The following TMIGD3 variants were observed in gnomAD, a reference collection of about 807,000 sequenced individuals.
The protein encoded by TMIGD3 is AD026 protein (AD026).
Under a neutral mutation model 28.1 loss-of-function variants are expected in TMIGD3, and 21 were observed. That is an observed-to-expected ratio of 0.75 (90% CI 0.53 to 1.08). The LOEUF (loss-of-function observed/expected upper bound fraction) is 1.08. TMIGD3 is among the 50% of genes least tolerant of loss of function. TMIGD3 has a pLI of 0.00. For synonymous variants in TMIGD3, 151 were observed against 162.1 expected, an observed-to-expected ratio of 0.93 and a Z score of 0.52; for missense variants, 416 against 435.6, an observed-to-expected ratio of 0.96 and a Z score of 0.40.
chr1:111,507,482 A>G (rs1443475155), upstream of TMIGD3, among the ~76,000 whole-genome samples: 1 of 152,164 alleles, frequency 6.6e-6, no homozygotes. Flanking sequence ...GGTTCCGCTT[A>G]ATAATCTGAG....
At chr1:111,538,450 G>T (rs1656714512) in intron 1 of TMIGD3, among the ~76,000 whole-genome samples, 2 of 152,196 alleles carry the variant, frequency 1.3e-5, no homozygotes, top group South Asian at 4.1e-4. Flanking sequence ...TGAGGAGGAG[G>T]TTCTGGTGAG....
At chr1:111,537,625 G>A (rs1029529800) in intron 1 of TMIGD3, among the ~76,000 whole-genome samples, 20 of 152,272 alleles carry the variant, frequency 1.3e-4, no homozygotes, top group Middle Eastern at 3.4e-3. Flanking sequence ...CAGAGATTTC[G>A]TTTTTAAAGA....
chr1:111,503,878 C>T, upstream of TMIGD3: 1 of 992,932 alleles, frequency 1.0e-6, no homozygotes, highest in Non-Finnish European at 1.2e-6. Context: ...AGAGTTCATT[C>T]ATTCAGGGAC....
At chr1:111,512,383 A>G (rs904929682) in intron 1 of TMIGD3, among the ~76,000 whole-genome samples, 2 of 152,266 alleles carry the variant, frequency 1.3e-5, no homozygotes, top group African/African-American at 4.8e-5. Flanking sequence ...AACGTGCTCC[A>G]GAGGAGAAAT....
chr1:111,553,991 G>A (rs1419654493), intron 1 of TMIGD3, among the ~76,000 whole-genome samples: 1 of 152,236 alleles, frequency 6.6e-6, no homozygotes, highest in Non-Finnish European at 1.5e-5. Flanking sequence ...AGCAAGAAGA[G>A]GAGTGCAGGC....
chr1:111,490,849 T>C, intron 1 of TMIGD3, 87 bp from the exon 2 acceptor site: 2 of 902,618 alleles, frequency 2.2e-6, no homozygotes, highest in South Asian at 1.4e-5. Flanking sequence ...AACCAGTTAG[T>C]CCAAGCAGTG....
At chr1:111,561,276 A>G (rs1657725510) in intron 1 of TMIGD3, among the ~76,000 whole-genome samples, 1 of 152,074 alleles carries the variant, frequency 6.6e-6, no homozygotes, top group Non-Finnish European at 1.5e-5. Context: ...AGTGCACACC[A>G]CCACGCCTGG....
intron 1 of TMIGD3, among the ~76,000 whole-genome samples, chr1:111,541,866 T>G (rs1281230806): frequency 6.6e-6 from 1 of 151,808 alleles, no homozygotes; most frequent in South Asian, 2.1e-4. Flanking sequence ...AAACTGCGAG[T>G]GAATGCAATA....
intron 1 of TMIGD3, chr1:111,499,661 C>T: frequency 2.5e-6 from 3 of 1,191,686 alleles, no homozygotes; most frequent in Non-Finnish European, 3.2e-6. Flanking sequence ...GGCTCCATGA[C>T]TTATTCTTCT....
At chr1:111,486,332 T>A (rs1208261625) in intron 4 of TMIGD3, among the ~76,000 whole-genome samples, 1 of 151,980 alleles carries the variant, frequency 6.6e-6, no homozygotes, top group Non-Finnish European at 1.5e-5. Flanking sequence ...CTCCTTATGA[T>A]AAATGTCCCC....
chr1:111,521,693 G>T (rs1383137970), intron 1 of TMIGD3, among the ~76,000 whole-genome samples: 2 of 151,986 alleles, frequency 1.3e-5, no homozygotes. Flanking sequence ...TATAAGATTT[G>T]CAAATCTTTT....
chr1:111,508,868 G>A (rs1425681684), intron 1 of TMIGD3, among the ~76,000 whole-genome samples: 1 of 152,162 alleles, frequency 6.6e-6, no homozygotes, highest in African/African-American at 2.4e-5. Context: ...AGGCCGAGGC[G>A]GGCGGATCAC....
At chr1:111,500,380 T>C (rs765222610) in intron 1 of TMIGD3, 7 of 1,614,078 alleles carry the variant, frequency 4.3e-6, no homozygotes, top group Non-Finnish European at 5.9e-6. Flanking sequence ...GTATACCATG[T>C]AGTCCATTCT....
chr1:111,527,227 G>A (rs1024813001), intron 1 of TMIGD3, among the ~76,000 whole-genome samples: 11 of 151,970 alleles, frequency 7.2e-5, no homozygotes, highest in Non-Finnish European at 1.0e-4. Flanking sequence ...GGCCAGGCTG[G>A]TCTCGAACTC....
intron 1 of TMIGD3, among the ~76,000 whole-genome samples, chr1:111,529,939 G>A (rs1444919256): frequency 6.8e-6 from 1 of 147,120 alleles, no homozygotes; most frequent in Non-Finnish European, 1.5e-5. Flanking sequence ...CTTCCCAGTA[G>A]GGGCGGCCGG....
chr1:111,503,339 T>C lies in TMIGD3; in HGVS notation c.16A>G (p.Thr6Ala), dbSNP rs1457560490. The change falls in exon 1 of 6, where the codon ACT becomes GCT. Residue 6 changes from threonine to alanine, a missense_variant. By Grantham distance (58) the Thr-to-Ala change is moderately conservative. Coordinates refer to ENST00000369716, the MANE Select transcript of TMIGD3 (RefSeq NM_020683.7). The part of the protein sequence containing the change: MPNNS[T>A]ALSLANVTYI... ...GTAACATTGGCCAATGACAGAGCAGTGCTGTTGTTGGGCATCTTGCCTTCC... is the reference window on the plus strand; with the variant it reads ...GTAACATTGGCCAATGACAGAGCAGCGCTGTTGTTGGGCATCTTGCCTTCC... 1 of 1,610,456 alleles carries C rather than the reference T, an allele frequency of 6.2e-7. No individual in the cohort carries two copies. Among genetic ancestry groups the C allele is most frequent in the African/African-American group, 1.3e-5 (1 of 74,856 alleles).
At chr1:111,549,269 A>C (rs1657156944) in intron 1 of TMIGD3, among the ~76,000 whole-genome samples, 1 of 150,284 alleles carries the variant, frequency 6.7e-6, no homozygotes, top group African/African-American at 2.4e-5. Flanking sequence ...ATTATTTGAA[A>C]ATTTGGCAGA....
intron 1 of TMIGD3, among the ~76,000 whole-genome samples, chr1:111,534,979 C>A (rs1456967360): frequency 1.3e-5 from 2 of 152,174 alleles, no homozygotes; most frequent in African/African-American, 4.8e-5. Flanking sequence ...GTTAGGGGAA[C>A]ACCCAGCTCA....
intron 1 of TMIGD3, among the ~76,000 whole-genome samples, chr1:111,522,793 G>A (rs1327677429): frequency 6.6e-6 from 1 of 152,142 alleles, no homozygotes; most frequent in African/African-American, 2.4e-5. Flanking sequence ...TGGGATTACA[G>A]GCGTGAGCCA....
Sources: gnomAD v4.1 joint callset for allele counts (sites outside exome capture counted in the v4.1 genomes callset) on GRCh38, gnomAD v4.1.1 for gene constraint, MANE v1.5 for transcripts, NCBI Gene and HGNC (gene_info 2026-07-23, HGNC 2026-07-21) for gene names.